The following KHDRBS2 variants were observed in gnomAD, a reference collection of about 807,000 sequenced individuals.
The protein encoded by KHDRBS2 is KH RNA binding domain containing, signal transduction associated 2.
In KHDRBS2, 26 loss-of-function variants were observed where a neutral mutation model predicts 44.3. The ratio of observed to expected loss-of-function variants is 0.59; its 90% confidence interval spans 0.43 to 0.81. The LOEUF (loss-of-function observed/expected upper bound fraction) is 0.81. KHDRBS2 is among the 40% of genes least tolerant of loss of function. KHDRBS2 has a pLI of 0.00. For missense variants in KHDRBS2, 476 were observed against 433.1 expected (o/e 1.10, Z -0.88); for synonymous variants, 194 against 151.1 (o/e 1.28, Z -2.08).
intron 6 of KHDRBS2, among the ~76,000 whole-genome samples, chr6:61,870,431 G>A (rs1173727500): frequency 1.1e-4 from 17 of 152,174 alleles, no homozygotes; most frequent in Admixed American, 9.8e-4. Context: ...GCCTGGGACA[G>A]AGCACCTGGG....
At chr6:61,804,451 C>A (rs192266942) in intron 6 of KHDRBS2, among the ~76,000 whole-genome samples, 7 of 152,210 alleles carry the variant, frequency 4.6e-5, no homozygotes, top group Admixed American at 3.9e-4. Flanking sequence ...ATCTACCATT[C>A]TGGGGTCCTG....
chr6:62,076,523 A>G (rs1229558557), intron 2 of KHDRBS2, among the ~76,000 whole-genome samples: 1 of 152,022 alleles, frequency 6.6e-6, no homozygotes, highest in Non-Finnish European at 1.5e-5. Flanking sequence ...AATGTGGGGA[A>G]AGGATTCACT....
chr6:61,883,483 G>A (rs2127319562), intron 6 of KHDRBS2, among the ~76,000 whole-genome samples: 1 of 152,066 alleles, frequency 6.6e-6, no homozygotes, highest in African/African-American at 2.4e-5. Flanking sequence ...GTACAGGTTT[G>A]GATATAATTC....
At chr6:62,072,736 G>C (rs557995207) in intron 2 of KHDRBS2, among the ~76,000 whole-genome samples, 94 of 152,090 alleles carry the variant, frequency 6.2e-4, no homozygotes, top group African/African-American at 2.2e-3. Flanking sequence ...TGCTGGATTC[G>C]GTTTGCCATT....
chr6:61,969,452 A>G (rs1382010957), intron 4 of KHDRBS2, among the ~76,000 whole-genome samples: 1 of 152,068 alleles, frequency 6.6e-6, no homozygotes, highest in African/African-American at 2.4e-5. Context: ...TGTACTTTGC[A>G]TGAGGACTAG....
intron 1 of KHDRBS2, among the ~76,000 whole-genome samples, chr6:62,238,724 ATATATT>A (rs1365587680): frequency 4.0e-5 from 6 of 151,668 alleles, no homozygotes; most frequent in African/African-American, 1.5e-4. Flanking sequence ...ACACACACAC[ATATATT>A]TGAGTACAGA....
chr6:61,885,727 T>C (rs1800847432), intron 6 of KHDRBS2, among the ~76,000 whole-genome samples: 2 of 152,162 alleles, frequency 1.3e-5, no homozygotes, highest in African/African-American at 4.8e-5. Flanking sequence ...GGATGTCACC[T>C]GGGGATTGCA....
At chr6:61,863,221 A>G (rs1202473819) in intron 6 of KHDRBS2, among the ~76,000 whole-genome samples, 2 of 149,756 alleles carry the variant, frequency 1.3e-5, no homozygotes, top group Non-Finnish European at 3.0e-5. Context: ...TTATTTTTTC[A>G]AAAAACCAAC....
At chr6:61,706,646 G>A (rs2127548410) in intron 7 of KHDRBS2, among the ~76,000 whole-genome samples, 1 of 151,796 alleles carries the variant, frequency 6.6e-6, no homozygotes, top group African/African-American at 2.4e-5. Context: ...AATTCAATAA[G>A]TATTTAGAGT....
chr6:62,113,364 T>A (rs932545087), intron 2 of KHDRBS2, among the ~76,000 whole-genome samples: 2 of 152,132 alleles, frequency 1.3e-5, no homozygotes, highest in Non-Finnish European at 2.9e-5. Context: ...GAACATAATT[T>A]TAATGTGGTT....
Position 61,680,900 on chromosome 6 carries a change from G to A in KHDRBS2, c.*63C>T. 9.7e-7 allele frequency: 1 copy of A among 1,031,460 alleles called. No individual in the cohort carries two copies. Among genetic ancestry groups the A allele is most frequent in the South Asian group, 1.3e-5 (1 of 74,432 alleles). 63.9% of individuals were successfully genotyped at this position (1,031,460 alleles called of 1,614,324 possible). On this transcript the variant is annotated 3_prime_UTR_variant, in exon 9 of 9. Transcript: ENST00000281156. ...AAGGACTATTACTTGTCTTGTTGCTGTTTATGTGGAGACCACAGGCTATGA... is the reference window on the plus strand; with the variant it reads ...AAGGACTATTACTTGTCTTGTTGCTATTTATGTGGAGACCACAGGCTATGA...
At chr6:61,587,391 GT>G in the KHDRBS2 span, among the ~76,000 whole-genome samples, 1 of 148,658 alleles carries the variant, frequency 6.7e-6, no homozygotes, top group Non-Finnish European at 1.5e-5. Context: ...CTGCAAACAG[GT>G]TTCTGGGGGC....
At chr6:61,549,083 C>A in the KHDRBS2 span, among the ~76,000 whole-genome samples, 2 of 151,964 alleles carry the variant, frequency 1.3e-5, no homozygotes, top group Non-Finnish European at 2.9e-5. Context: ...ACGTGAAATA[C>A]GGTGAATAAT....
intron 1 of KHDRBS2, among the ~76,000 whole-genome samples, chr6:62,278,428 C>T (rs1483883479): frequency 3.3e-5 from 5 of 151,986 alleles, no homozygotes; most frequent in Non-Finnish European, 5.9e-5. Flanking sequence ...TTCTCAGGTA[C>T]CAGGCCATAA....
At chr6:61,991,886 C>T (rs1776204441) in intron 3 of KHDRBS2, among the ~76,000 whole-genome samples, 1 of 152,086 alleles carries the variant, frequency 6.6e-6, no homozygotes, top group Non-Finnish European at 1.5e-5. Flanking sequence ...TAGATGTTGC[C>T]CACTGGGAAG....
At chr6:61,964,578 C>G (rs1195100559) in intron 4 of KHDRBS2, among the ~76,000 whole-genome samples, 1 of 151,892 alleles carries the variant, frequency 6.6e-6, no homozygotes, top group Non-Finnish European at 1.5e-5. Context: ...AAGCTTTTTT[C>G]TCCTTGAAAT....
At chr6:61,665,887 T>C in the KHDRBS2 span, among the ~76,000 whole-genome samples, 1 of 151,006 alleles carries the variant, frequency 6.6e-6, no homozygotes, top group Admixed American at 6.6e-5. Context: ...TGTTCTCAAG[T>C]TATAGTTTCA....
At chr6:61,574,526 T>TA in the KHDRBS2 span, 1 of 611,750 alleles carries the variant, frequency 1.6e-6, no homozygotes, top group Non-Finnish European at 2.7e-6. Flanking sequence ...CCTCGGAGTA[T>TA]AACCCAACCT....
chr6:61,913,245 A>T (rs902981494), intron 4 of KHDRBS2, among the ~76,000 whole-genome samples: 1 of 152,124 alleles, frequency 6.6e-6, no homozygotes, highest in African/African-American at 2.4e-5. Context: ...AGAAGTGGAG[A>T]TCAGCTAAAG....
Sources: allele counts gnomAD v4.1 joint callset (sites outside exome capture counted in the v4.1 genomes callset), GRCh38; gene constraint gnomAD v4.1.1; transcripts MANE v1.5; gene names NCBI Gene and HGNC (gene_info 2026-07-23, HGNC 2026-07-21).